The following CTNNAL1 variants were observed in gnomAD, a reference collection of about 807,000 sequenced individuals.
The protein encoded by CTNNAL1 is catenin alpha like 1, also known as alpha-catulin.
A neutral mutation model predicts 93.6 loss-of-function variants in CTNNAL1; 69 were observed. The ratio of observed to expected loss-of-function variants is 0.74; its 90% CI spans 0.61 to 0.90. The LOEUF (loss-of-function observed/expected upper bound fraction) is 0.90, where lower values mean the gene tolerates loss of function less well. Among genes scored for constraint, CTNNAL1 ranks in the 40% least tolerant of loss-of-function variants. The pLI is 0.00. For synonymous variants in CTNNAL1, 286 were observed against 305.4 expected (o/e 0.94, Z 0.66); for missense variants, 836 against 862.0 (o/e 0.97, Z 0.38).
chr9:109,012,573 C>T (rs1160354383), intron 1 of CTNNAL1, among the ~76,000 whole-genome samples: 2 of 152,188 alleles, frequency 1.3e-5, no homozygotes, highest in African/African-American at 4.8e-5. Context: ...CTCAGGGCGT[C>T]GGTTAGCTGA....
chr9:108,950,371 C>T (rs752849399), intron 14 of CTNNAL1: 2 of 948,994 alleles, frequency 2.1e-6, no homozygotes, highest in Non-Finnish European at 3.0e-6. Context: ...AGCTTGCTAA[C>T]AACAGTTAAG....
chr9:109,010,780 G>A (rs1230336276), intron 1 of CTNNAL1, among the ~76,000 whole-genome samples: 1 of 152,180 alleles, frequency 6.6e-6, no homozygotes, highest in Non-Finnish European at 1.5e-5. Flanking sequence ...GATGATACCA[G>A]AATAGAAACT....
chr9:108,946,008 A>C (rs1000258177), intron 15 of CTNNAL1, among the ~76,000 whole-genome samples: 1 of 152,094 alleles, frequency 6.6e-6, no homozygotes, highest in South Asian at 2.1e-4. Flanking sequence ...TACTTAAAAC[A>C]TAATAGGATC....
intron 11 of CTNNAL1, among the ~76,000 whole-genome samples, chr9:108,959,573 T>C (rs1369928904): frequency 1.3e-5 from 2 of 151,394 alleles, no homozygotes; most frequent in African/African-American, 2.4e-5. Context: ...TGAGACCCTG[T>C]CTCCAAAATA....
chr9:108,976,903 C>G (rs1831282376), intron 8 of CTNNAL1, 59 bp downstream of exon 8: 1 of 672,968 alleles, frequency 1.5e-6, no homozygotes, highest in Admixed American at 3.9e-5. Context: ...ATTTCATACA[C>G]CCATACAACA....
intron 1 of CTNNAL1, among the ~76,000 whole-genome samples, chr9:109,004,178 C>A (rs2583073): frequency 0.95 from 144,534 of 152,244 alleles, 68,643 homozygotes; most frequent in East Asian, 1. Flanking sequence ...AACTGATGCT[C>A]AAAGGTGCTT....
At chr9:108,999,725 T>A (rs563877080) in intron 1 of CTNNAL1, among the ~76,000 whole-genome samples, 2 of 152,320 alleles carry the variant, frequency 1.3e-5, no homozygotes, top group Admixed American at 6.5e-5. Flanking sequence ...CCATACATGT[T>A]TACCAAATTA....
chr9:108,994,415 A>C (rs1831938205), intron 2 of CTNNAL1, among the ~76,000 whole-genome samples: 1 of 152,180 alleles, frequency 6.6e-6, no homozygotes, highest in Non-Finnish European at 1.5e-5. Context: ...TTAGTACCTG[A>C]CCAATGATAA....
Position 108,979,350 on chromosome 9 carries a change from T to C in CTNNAL1, c.1032A>G (p.Glu344=). 1.2e-6 allele frequency: 2 copies of C among 1,614,182 alleles called. No individual in the cohort carries two copies. Among genetic ancestry groups the C allele is most frequent in the Non-Finnish European group, 8.5e-7 (1 of 1,180,022 alleles). The change falls in exon 7 of 19, where the codon GAA becomes GAG. Residue 344 remains glutamate, a synonymous_variant. Transcript: ENST00000325551. ...DSAYTSHEHR[E]RILELSTQAR... ...CCTGAGTTGACAGTTCCAAGATGCG[T>C]TCTCTGTGCTCATGGCTGGTGTAGG...
chr9:109,009,772 GGA>G (rs1469140339), intron 1 of CTNNAL1, among the ~76,000 whole-genome samples: 3 of 152,066 alleles, frequency 2.0e-5, no homozygotes, highest in African/African-American at 7.2e-5. Flanking sequence ...TGACCAATAG[GGA>G]TAACTGATAT....
chr9:108,991,700 A>C (rs1831812403), intron 3 of CTNNAL1, among the ~76,000 whole-genome samples: 1 of 152,094 alleles, frequency 6.6e-6, no homozygotes. Flanking sequence ...CAAAGAGGGG[A>C]AGGTTGTTTG....
chr9:108,985,845 A>G (rs1372536818), intron 4 of CTNNAL1, among the ~76,000 whole-genome samples: 1 of 152,184 alleles, frequency 6.6e-6, no homozygotes, highest in Non-Finnish European at 1.5e-5. Context: ...CATAGGCTGT[A>G]TGGTGATAAC....
chr9:108,975,837 T>A (rs560662675), intron 8 of CTNNAL1, among the ~76,000 whole-genome samples: 1 of 152,240 alleles, frequency 6.6e-6, no homozygotes, highest in South Asian at 2.1e-4. Context: ...CCCCATACAC[T>A]CTACTGACGA....
chr9:108,959,408 C>T (rs1290981529), intron 11 of CTNNAL1, among the ~76,000 whole-genome samples: 3 of 139,666 alleles, frequency 2.1e-5, no homozygotes, highest in African/African-American at 8.0e-5. Flanking sequence ...GGTATCACAG[C>T]GAGACTCCCA....
At position 108,955,795 on chromosome 9, in the gene CTNNAL1, G is replaced by A; in HGVS notation, c.1624C>T (p.Pro542Ser). The A allele has an allele frequency of 6.2e-7, 1 of 1,601,124 alleles. No homozygotes were observed. The highest frequency in any genetic ancestry group is 8.5e-7 in the Non-Finnish European group (1 of 1,173,884). The change falls in exon 12 of 19, where the codon CCA becomes TCA. Residue 542 changes from proline to serine, a missense_variant. Coordinates refer to ENST00000325551, the MANE Select transcript of CTNNAL1 (RefSeq NM_003798.4). ...EKYGYLSLPK[P>S]MKNNANLKSL... ...TACATAATTCTTCTACTTACCATTG[G>A]CTTTGGAAGTGAAAGGTAGCCATAC...
chr9:108,972,483 A>AT (rs1346979692), intron 9 of CTNNAL1, among the ~76,000 whole-genome samples, 192 bp downstream of exon 9: 5 of 151,938 alleles, frequency 3.3e-5, no homozygotes, highest in African/African-American at 7.3e-5. Flanking sequence ...GGGTCTTAGC[A>AT]TTTTTTTTGT....
At position 108,992,175 on chromosome 9, in the gene CTNNAL1, A is replaced by G. The variant is rs879122830; in HGVS notation, c.519+457T>C. The G allele has an allele frequency of 2.4e-5, 15 of 627,062 alleles. No homozygotes were observed. In the South Asian group the frequency reaches 2.8e-4, roughly 12 times the overall value. The allele number at this position is 627,062 out of a possible 1,614,324, so 38.8% of individuals were successfully genotyped here. A position where few individuals can be genotyped will look rare whatever the true frequency, so the allele number is the denominator to read the frequency against. Reference sequence around the variant, plus strand: ...CACCTTTTCTTTCCAAATGTTGTACACATTTAAAGCTTTTACCAATAAGCC... The same window carrying G: ...CACCTTTTCTTTCCAAATGTTGTACGCATTTAAAGCTTTTACCAATAAGCC... On this transcript the variant is annotated intron_variant, in intron 3 of 18. Transcript: ENST00000325551.
Position 108,990,767 on chromosome 9 carries a change from C to T in CTNNAL1, c.598G>A (p.Glu200Lys), listed in dbSNP as rs772695079. 1 of 1,613,716 alleles carries T rather than the reference C, an allele frequency of 6.2e-7. No individual in the cohort carries two copies. The highest frequency in any genetic ancestry group is 1.7e-5 in the Admixed American group (1 of 59,958). Reference sequence around the variant, plus strand: ...CTCAGATGTGCAAACTCCACCATTTCATTTCCAAATTGACTGAATATTTGG... The same window carrying T: ...CTCAGATGTGCAAACTCCACCATTTTATTTCCAAATTGACTGAATATTTGG... ...FVQIFSQFGNEMVEFAHLSGD... is the reference protein window; with the variant it reads ...FVQIFSQFGNKMVEFAHLSGD... The change falls in exon 4 of 19, where the codon GAA becomes AAA. Residue 200 changes from glutamate to lysine, a missense_variant. Glu to Lys is a moderately conservative substitution (Grantham distance 56). Coordinates refer to ENST00000325551, the MANE Select transcript of CTNNAL1 (RefSeq NM_003798.4).
intron 1 of CTNNAL1, among the ~76,000 whole-genome samples, chr9:109,009,084 C>T (rs1032879798): frequency 9.2e-5 from 14 of 151,510 alleles, no homozygotes; most frequent in Middle Eastern, 3.4e-3. Flanking sequence ...TTTGTAGAGA[C>T]GGGGTTTCAC....
Sources: gnomAD v4.1 joint callset for allele counts (sites outside exome capture counted in the v4.1 genomes callset) on GRCh38, gnomAD v4.1.1 for gene constraint, MANE v1.5 for transcripts, NCBI Gene and HGNC (gene_info 2026-07-23, HGNC 2026-07-21) for gene names.